Variants in TBC1D5 observed in about 807,000 individuals in gnomAD.
TBC1D5 encodes TBC1 domain family member 5.
TBC1D5 carries 75 observed loss-of-function variants against 100.3 expected under a neutral mutation model. The ratio of observed to expected loss-of-function variants is 0.75; its 90% CI spans 0.62 to 0.91. The LOEUF is 0.91. Ranked by LOEUF, TBC1D5 falls within the 40% of genes least tolerant of loss-of-function variation. The pLI is 0.00. For synonymous variants in TBC1D5, 323 were observed against 325.6 expected (o/e 0.99, Z 0.09); for missense variants, 910 against 942.4 (o/e 0.97, Z 0.45).
intron 2 of TBC1D5, among the ~76,000 whole-genome samples, chr3:17,608,339 C>G (rs897945145): frequency 6.6e-6 from 1 of 151,860 alleles, no homozygotes; most frequent in Admixed American, 6.6e-5. Context: ...CAAGATAGCA[C>G]AGTAAGATCA....
intron 1 of TBC1D5, among the ~76,000 whole-genome samples, chr3:17,710,888 G>C (rs2074664790): frequency 2.0e-5 from 3 of 152,046 alleles, no homozygotes; most frequent in African/African-American, 7.2e-5. Flanking sequence ...AGTAGAGACG[G>C]AGTTTCACCA....
chr3:17,483,054 GTA>G (rs2095519187), intron 3 of TBC1D5, among the ~76,000 whole-genome samples: 1 of 152,112 alleles, frequency 6.6e-6, no homozygotes, highest in Non-Finnish European at 1.5e-5. Context: ...GTGAATGTGT[GTA>G]TATGTGTGTT....
chr3:17,709,680 C>G (rs183625512), intron 1 of TBC1D5, among the ~76,000 whole-genome samples: 65 of 152,144 alleles, frequency 4.3e-4, no homozygotes, highest in African/African-American at 1.5e-3. Flanking sequence ...AGGCCAGAAA[C>G]TAAGAGGAAT....
At chr3:17,281,230 A>G (rs1189598401) in intron 15 of TBC1D5, among the ~76,000 whole-genome samples, 1 of 152,254 alleles carries the variant, frequency 6.6e-6, no homozygotes, top group African/African-American at 2.4e-5. Context: ...ACATAGTAGG[A>G]GCTTAGTATA....
intron 1 of TBC1D5, among the ~76,000 whole-genome samples, chr3:17,661,814 TG>T (rs2066685600): frequency 6.6e-6 from 1 of 152,046 alleles, no homozygotes; most frequent in Non-Finnish European, 1.5e-5. Flanking sequence ...TTCTTAAAAG[TG>T]TTTTTGGACA....
At chr3:17,691,039 G>C (rs2071080822) in intron 1 of TBC1D5, among the ~76,000 whole-genome samples, 1 of 152,190 alleles carries the variant, frequency 6.6e-6, no homozygotes, top group Non-Finnish European at 1.5e-5. Flanking sequence ...TTACAAAACA[G>C]TAAGCCAACA....
intron 2 of TBC1D5, among the ~76,000 whole-genome samples, chr3:17,556,152 C>G (rs1690548692): frequency 6.6e-6 from 1 of 151,914 alleles, no homozygotes; most frequent in South Asian, 2.1e-4. Context: ...GTAGCTGGGA[C>G]TACAGGTATG....
At chr3:17,428,517 C>T in exon 4 of TBC1D5, 1 of 1,489,562 alleles carries the variant, frequency 6.7e-7, no homozygotes, top group South Asian at 1.4e-5. Context: ...TTATTTGAAT[C>T]TCCTGGAGAA....
At position 17,167,064 on chromosome 3, in the gene TBC1D5, A is replaced by G. The variant is rs2066687308; in HGVS notation, c.1933-136T>C. 8.9e-6 allele frequency: 8 copies of G among 900,758 alleles called. No individual in the cohort carries two copies. The South Asian group carries it at 1.7e-4, about 20-fold the overall frequency. The allele number at this position is 900,758 out of a possible 1,614,324, so 55.8% of individuals were successfully genotyped here. A position where few individuals can be genotyped will look rare whatever the true frequency, so the allele number is the denominator to read the frequency against. On this transcript the variant is annotated intron_variant, in intron 20 of 21. Transcript: ENST00000253692. ...AGTATGAATATTAATATTTTACTAT[A>G]AGAAACAAATAATGAGAAAAAAATC...
chr3:17,258,272 G>C (rs1418771268), intron 16 of TBC1D5, among the ~76,000 whole-genome samples: 4 of 152,040 alleles, frequency 2.6e-5, no homozygotes, highest in Non-Finnish European at 5.9e-5. Flanking sequence ...AAATGAAGTT[G>C]CCTAACTTCA....
intron 1 of TBC1D5, among the ~76,000 whole-genome samples, chr3:17,729,844 C>CA: frequency 6.6e-6 from 1 of 152,302 alleles, no homozygotes; most frequent in Non-Finnish European, 1.5e-5. Context: ...CATGGTGGCT[C>CA]ACGCCTGTAA....
At chr3:17,177,459 C>G (rs533993984) in intron 19 of TBC1D5, among the ~76,000 whole-genome samples, 2 of 152,264 alleles carry the variant, frequency 1.3e-5, no homozygotes, top group Admixed American at 1.3e-4. Flanking sequence ...CATCAGGATG[C>G]TAGGGGAGGC....
At chr3:17,580,796 T>C (rs1355277376) in intron 2 of TBC1D5, among the ~76,000 whole-genome samples, 1 of 152,224 alleles carries the variant, frequency 6.6e-6, no homozygotes, top group Non-Finnish European at 1.5e-5. Flanking sequence ...CTTTCAGATA[T>C]TCTGAAAGAC....
intron 2 of TBC1D5, among the ~76,000 whole-genome samples, chr3:17,611,846 A>G (rs899971726): frequency 2.0e-5 from 3 of 152,250 alleles, no homozygotes; most frequent in Non-Finnish European, 4.4e-5. Flanking sequence ...ATAATGCATT[A>G]TCTCAAGTAG....
chr3:17,673,810 A>C (rs2068272236), intron 1 of TBC1D5, among the ~76,000 whole-genome samples: 1 of 152,160 alleles, frequency 6.6e-6, no homozygotes, highest in Non-Finnish European at 1.5e-5. Context: ...CTCTTTTCAC[A>C]AGTTACTTGA....
intron 1 of TBC1D5, among the ~76,000 whole-genome samples, chr3:17,711,848 C>A (rs1577708041): frequency 6.6e-6 from 1 of 152,282 alleles, no homozygotes; most frequent in Non-Finnish European, 1.5e-5. Flanking sequence ...CAGTGCACAC[C>A]TCCAAGAGTT....
intron 3 of TBC1D5, among the ~76,000 whole-genome samples, chr3:17,499,737 C>A (rs897007539): frequency 9.4e-5 from 14 of 148,666 alleles, no homozygotes; most frequent in Admixed American, 2.0e-4. Context: ...TTTTTGGCCC[C>A]ATTAATGAAT....
intron 9 of TBC1D5, among the ~76,000 whole-genome samples, chr3:17,382,449 C>G (rs1460673814): frequency 6.6e-6 from 1 of 151,930 alleles, no homozygotes; most frequent in Non-Finnish European, 1.5e-5. Flanking sequence ...CAGGTTATCA[C>G]TGGAATGATA....
chr3:17,583,960 G>A (rs1178076706), intron 2 of TBC1D5, among the ~76,000 whole-genome samples: 2 of 152,156 alleles, frequency 1.3e-5, no homozygotes, highest in Non-Finnish European at 2.9e-5. Flanking sequence ...AACAAAATGT[G>A]TATGAACGAA....
Sources: gnomAD v4.1 joint callset for allele counts (sites outside exome capture counted in the v4.1 genomes callset) on GRCh38, gnomAD v4.1.1 for gene constraint, MANE v1.5 for transcripts, NCBI Gene and HGNC (gene_info 2026-07-23, HGNC 2026-07-21) for gene names.